HHLA2: variants seen among roughly 807,000 people sequenced by gnomAD.
The protein encoded by HHLA2 is HHLA2 member of B7 family.
A neutral mutation model predicts 45.9 loss-of-function variants in HHLA2; 48 were observed. That is an observed-to-expected ratio of 1.05 (90% CI 0.83 to 1.33). The LOEUF (loss-of-function observed/expected upper bound fraction) is 1.33, where lower values mean the gene tolerates loss of function less well. Among genes scored for constraint, HHLA2 ranks in the 40% most tolerant of loss-of-function variants. HHLA2 has a pLI of 0.00. For synonymous variants in HHLA2, 161 were observed against 173.9 expected, an observed-to-expected ratio of 0.93 and a Z score of 0.59; for missense variants, 462 against 494.3, an observed-to-expected ratio of 0.93 and a Z score of 0.62.
intron 8 of HHLA2, among the ~76,000 whole-genome samples, chr3:108,363,284 A>G (rs1445074727): frequency 6.6e-6 from 1 of 152,168 alleles, no homozygotes; most frequent in Non-Finnish European, 1.5e-5. Context: ...AGTGCCAAGT[A>G]GGCATGTGAA....
intron 3 of HHLA2, among the ~76,000 whole-genome samples, chr3:108,335,105 AT>A (rs1307269151): frequency 1.3e-5 from 2 of 152,220 alleles, no homozygotes; most frequent in East Asian, 3.8e-4. Flanking sequence ...GTAATTAATT[AT>A]TCTTTTCAGA....
Position 108,362,460 on chromosome 3 carries a change from T to A in HHLA2, c.1108+14T>A. ...AATGTTGCAGAGGTAATAGAAGAAT[T>A]TGGGCTCTGCCCCACGTGTTCCACA... On this transcript the variant is annotated intron_variant, in intron 8 of 10. Transcript: ENST00000619531. 1 of 1,562,044 alleles carries A rather than the reference T, an allele frequency of 6.4e-7. No individual in the cohort carries two copies. The highest frequency in any genetic ancestry group is 8.8e-7 in the Non-Finnish European group (1 of 1,138,612).
intron 7 of HHLA2, among the ~76,000 whole-genome samples, chr3:108,359,191 T>C (rs1260598509): frequency 6.6e-6 from 1 of 151,254 alleles, no homozygotes; most frequent in Non-Finnish European, 1.5e-5. Flanking sequence ...AAAAAAAAAA[T>C]AGTCAAGAAG....
chr3:108,305,332 C>T (rs905109933), intron 1 of HHLA2, among the ~76,000 whole-genome samples: 1 of 152,080 alleles, frequency 6.6e-6, no homozygotes, highest in Non-Finnish European at 1.5e-5. Context: ...TACTGCTTCA[C>T]GAGTAGTCAG....
intron 3 of HHLA2, chr3:108,328,378 G>T: frequency 7.0e-7 from 1 of 1,434,100 alleles, no homozygotes; most frequent in Non-Finnish European, 9.4e-7. Context: ...TGAGGTTCCA[G>T]TATTATCTGT....
Position 108,373,204 on chromosome 3 carries a change from A to G in HHLA2, c.1109-2546A>G, listed in dbSNP as rs550039221. ...AAAATCAATAAACGTAATCCAGCAT[A>G]TAAACAGAACCAAAGACAAAAACGA... On this transcript the variant is annotated intron_variant, in intron 8 of 10. Transcript: ENST00000619531. 3.4e-3 allele frequency among the ~76,000 whole-genome samples: 519 copies of G among 152,354 alleles called. 5 individuals carry two copies. The highest frequency in any genetic ancestry group is 0.012 in the African/African-American group (502 of 41,582).
intron 8 of HHLA2, among the ~76,000 whole-genome samples, chr3:108,368,887 A>G (rs945410913): frequency 6.6e-6 from 1 of 152,210 alleles, no homozygotes; most frequent in Non-Finnish European, 1.5e-5. Context: ...CCTAATGGAC[A>G]TCTACAGAAC....
chr3:108,376,879 G>T, intron 10 of HHLA2: 1 of 337,170 alleles, frequency 3.0e-6, no homozygotes, highest in Admixed American at 4.5e-5. Context: ...ATGAAACATG[G>T]GATTGTATAC....
chr3:108,328,450 T>A, intron 3 of HHLA2: 1 of 701,360 alleles, frequency 1.4e-6, no homozygotes, highest in Non-Finnish European at 2.3e-6. Flanking sequence ...TTGCAAATAT[T>A]ATTAACATAA....
At chr3:108,299,740 A>G (rs184931138) in intron 1 of HHLA2, among the ~76,000 whole-genome samples, 5 of 152,310 alleles carry the variant, frequency 3.3e-5, no homozygotes, top group Admixed American at 3.3e-4. Flanking sequence ...TCAGACCCAT[A>G]AAGGTACAAA....
intron 6 of HHLA2, among the ~76,000 whole-genome samples, chr3:108,355,749 T>C (rs557072992): frequency 6.6e-6 from 1 of 152,326 alleles, no homozygotes; most frequent in South Asian, 2.1e-4. Context: ...CTTTAAAAGA[T>C]CAAAGGAGAA....
At chr3:108,334,496 C>G (rs1164112668) in intron 3 of HHLA2, among the ~76,000 whole-genome samples, 2 of 152,184 alleles carry the variant, frequency 1.3e-5, no homozygotes, top group Non-Finnish European at 2.9e-5. Flanking sequence ...ATTACTGCCA[C>G]TTGGCTCTCC....
At chr3:108,319,937 T>C (rs1352504506) in intron 2 of HHLA2, among the ~76,000 whole-genome samples, 1 of 152,190 alleles carries the variant, frequency 6.6e-6, no homozygotes, top group African/African-American at 2.4e-5. Flanking sequence ...ACATATCACA[T>C]AGCCTATGCA....
intron 2 of HHLA2, chr3:108,325,529 A>G: frequency 3.4e-6 from 1 of 297,372 alleles, no homozygotes; most frequent in South Asian, 3.6e-5. Flanking sequence ...TACTATTGCT[A>G]CTGGAACCAT....
At chr3:108,341,080 G>A (rs1424937348) in intron 3 of HHLA2, among the ~76,000 whole-genome samples, 1 of 151,830 alleles carries the variant, frequency 6.6e-6, no homozygotes, top group African/African-American at 2.4e-5. Flanking sequence ...AGGCTCCTGA[G>A]TAGCTGAGAT....
intron 5 of HHLA2, among the ~76,000 whole-genome samples, 195 bp from the exon 5 acceptor site, chr3:108,354,920 T>C (rs1342174695): frequency 1.3e-5 from 2 of 152,210 alleles, no homozygotes; most frequent in Non-Finnish European, 2.9e-5. Context: ...TTATTTCTTC[T>C]AGATAACCAC....
At chr3:108,315,666 G>T (rs1327352729) in intron 2 of HHLA2, among the ~76,000 whole-genome samples, 1 of 152,176 alleles carries the variant, frequency 6.6e-6, no homozygotes, top group Non-Finnish European at 1.5e-5. Context: ...TTTTTGGAAA[G>T]CACCCCAGCT....
At chr3:108,321,372 A>C (rs1424870977) in intron 2 of HHLA2, among the ~76,000 whole-genome samples, 1 of 152,102 alleles carries the variant, frequency 6.6e-6, no homozygotes, top group Non-Finnish European at 1.5e-5. Context: ...TAATACATTT[A>C]TTTTGTTTTT....
chr3:108,361,195 C>T (rs1269720498), intron 7 of HHLA2, among the ~76,000 whole-genome samples: 1 of 152,182 alleles, frequency 6.6e-6, no homozygotes, highest in Non-Finnish European at 1.5e-5. Flanking sequence ...TCAGCAGGTC[C>T]TCCTTTTCTG....
Sources: allele counts gnomAD v4.1 joint callset (sites outside exome capture counted in the v4.1 genomes callset), GRCh38; gene constraint gnomAD v4.1.1; transcripts MANE v1.5; gene names NCBI Gene and HGNC (gene_info 2026-07-23, HGNC 2026-07-21).